The following ATG16L2 variants were observed in gnomAD, a reference collection of about 807,000 sequenced individuals.
ATG16L2 encodes autophagy related 16 like 2.
ATG16L2 carries 77 observed loss-of-function variants against 84.7 expected under a neutral mutation model. That is an observed-to-expected ratio of 0.91 (90% CI 0.76 to 1.10). The LOEUF (loss-of-function observed/expected upper bound fraction) is 1.10, where lower values mean the gene tolerates loss of function less well. Among genes scored for constraint, ATG16L2 ranks in the 50% least tolerant of loss-of-function variants. The pLI, the probability that ATG16L2 is intolerant of heterozygous loss-of-function variation, is 0.00. For missense variants in ATG16L2, 782 were observed against 817.6 expected (o/e 0.96, Z 0.53); for synonymous variants, 361 against 342.8 (o/e 1.05, Z -0.59).
At chr11:72,827,107 C>A in intron 13 of ATG16L2, 81 bp from the exon 14 acceptor site, 3 of 1,138,460 alleles carry the variant, frequency 2.6e-6, no homozygotes, top group Non-Finnish European at 3.9e-6. Context: ...GGGTTCTGGG[C>A]CTCAGCTTCT....
At chr11:72,839,427 CA>C (rs940509261) in intron 5 of ATG16L2, among the ~76,000 whole-genome samples, 1 of 152,140 alleles carries the variant, frequency 6.6e-6, no homozygotes, top group African/African-American at 2.4e-5. Flanking sequence ...GGATCAGAGG[CA>C]AGCAAGAGTC....
chr11:72,821,253 C>A, intron 3 of ATG16L2: 5 of 1,014,106 alleles, frequency 4.9e-6, no homozygotes, highest in Non-Finnish European at 5.9e-6. Flanking sequence ...AGCGTGTAGC[C>A]TGCTGGGAAC....
chr11:72,841,405 G>T, intron 5 of ATG16L2: 1 of 1,553,716 alleles, frequency 6.4e-7, no homozygotes, highest in Non-Finnish European at 8.8e-7. Flanking sequence ...GAATATGTAG[G>T]TTTCTGAAGT....
At position 72,821,706 on chromosome 11, in the gene ATG16L2, C is replaced by A; in HGVS notation, c.357C>A (p.Gly119=). 1 of 1,537,674 alleles carries A rather than the reference C, an allele frequency of 6.5e-7. No homozygotes were observed. The highest frequency in any genetic ancestry group is 8.7e-7 in the Non-Finnish European group (1 of 1,146,212). Residue 119 remains glycine (G), a synonymous_variant, in exon 4 of 18, where the codon GGC becomes GGA. Transcript: ENST00000321297. The part of the protein sequence containing the change: ...YQVVEKGAAL[G]TLESELQQRQ... ...TGGTGGAGAAGGGCGCGGCCCTGGG[C>A]ACGCTGGAGTCGGAGCTGCAGCAGA...
intron 5 of ATG16L2, chr11:72,836,899 T>C (rs915118239): frequency 6.6e-6 from 1 of 152,578 alleles, no homozygotes; most frequent in East Asian, 1.9e-4. Context: ...GAGGGGTTAT[T>C]TTTTAAAAAG....
exon 6 of ATG16L2, chr11:72,843,616 C>A (rs1308612504): frequency 1.2e-6 from 1 of 836,196 alleles, no homozygotes; most frequent in South Asian, 1.5e-5. Flanking sequence ...AACTGGGGAT[C>A]AAAATATTGA....
intron 3 of ATG16L2, among the ~76,000 whole-genome samples, chr11:72,819,413 AAAAG>A (rs1472406300): frequency 2.6e-5 from 4 of 152,346 alleles, no homozygotes; most frequent in South Asian, 4.1e-4. Flanking sequence ...TAATTAAAAA[AAAAG>A]AAAGATCTCC....
chr11:72,827,004 T>G, intron 13 of ATG16L2, 181 bp downstream of exon 13: 1 of 895,186 alleles, frequency 1.1e-6, no homozygotes, highest in East Asian at 2.6e-5. Flanking sequence ...CTGTCTGGTT[T>G]CTTGGTGACC....
chr11:72,822,187 C>T lies in ATG16L2; in HGVS notation c.536C>T (p.Ala179Val). The T allele has an allele frequency of 2.0e-6, 3 of 1,499,432 alleles. No individual in the cohort carries two copies. Among genetic ancestry groups the T allele is most frequent in the South Asian group, 1.2e-5 (1 of 80,460 alleles). The allele number at this position is 1,499,432 out of a possible 1,614,324, so 92.9% of individuals were successfully genotyped here. The change falls in exon 5 of 18, where the codon GCG becomes GTG. Residue 179 changes from alanine (A) to valine (V), a missense_variant. Physicochemically the swap from Ala to Val is moderately conservative, Grantham distance 64. Coordinates refer to ENST00000321297, the MANE Select transcript of ATG16L2 (RefSeq NM_033388.2). The surrounding 1 kb of genome is among the most constrained non-coding windows in gnomAD (Gnocchi z 4.2). ...CGCGCGCACGTCGGGCTCCGGGAGG[C>T]GGCACTGCGCAGGCTCCAGGAAGAG... The part of the protein sequence containing the change: ...ALRAHVGLRE[A>V]ALRRLQEEAR...
intron 1 of ATG16L2, chr11:72,815,973 A>G (rs10898881): frequency 0.52 from 78,112 of 151,668 alleles, 20,690 homozygotes; most frequent in South Asian, 0.65. Flanking sequence ...GGAAGTTGGG[A>G]TTATTTATTT....
chr11:72,828,615 C>A, intron 15 of ATG16L2, 107 bp downstream of exon 15: 1 of 1,588,542 alleles, frequency 6.3e-7, no homozygotes, highest in Non-Finnish European at 8.6e-7. Flanking sequence ...CCCTCCAGAC[C>A]AGGTCCTGCT....
chr11:72,823,151 C>T, intron 7 of ATG16L2, 190 bp downstream of exon 7: 1 of 551,270 alleles, frequency 1.8e-6, no homozygotes, highest in Admixed American at 3.3e-5. Flanking sequence ...AGTTCCATCT[C>T]ACCCCCCCAA....
chr11:72,830,414 C>T (rs2135130168), downstream of ATG16L2, among the ~76,000 whole-genome samples: 1 of 152,288 alleles, frequency 6.6e-6, no homozygotes, highest in South Asian at 2.1e-4. Flanking sequence ...CACCCTCCTG[C>T]CACTGTGGGC....
Position 72,843,208 on chromosome 11 carries a change from A to G in ATG16L2, c.*613A>G, listed in dbSNP as rs755459693. On this transcript the variant is annotated 3_prime_UTR_variant, in exon 6 of 6. Coordinates refer to the ATG16L2 transcript ENST00000534905. ...AGTTCTGCTTCCGTGGAATTGCTGG[A>G]CGTGTGTGACCGACTGTCCAAAGCG... The G allele has an allele frequency of 4.3e-6, 7 of 1,613,980 alleles. 1 individual carries two copies. The South Asian group carries it at 6.6e-5, about 15-fold the overall frequency.
Position 72,829,017 on chromosome 11 carries a change from G to A in ATG16L2, c.1772+33G>A, listed in dbSNP as rs983977473. 7 of 1,602,348 alleles carry A rather than the reference G, an allele frequency of 4.4e-6. No homozygotes were observed. The African/African-American group carries it at 6.7e-5, about 15-fold the overall frequency. On this transcript the variant is annotated intron_variant, in intron 17 of 17. Coordinates refer to ENST00000321297, the MANE Select transcript of ATG16L2 (RefSeq NM_033388.2). Reference sequence around the variant, plus strand: ...TGGCCTCCACCTGGCCACCTGCCTGGCCCCAGTCCTGCCAGGCTGATTCCA... The same window carrying A: ...TGGCCTCCACCTGGCCACCTGCCTGACCCCAGTCCTGCCAGGCTGATTCCA...
rs1015497978 is a variant in ATG16L2 at position 72,822,749 on chromosome 11, C to T, written c.711-99C>T. 16 of 1,084,130 alleles carry T rather than the reference C, an allele frequency of 1.5e-5. No individual in the cohort carries two copies. Among genetic ancestry groups the T allele is most frequent in the Admixed American group, 8.0e-5 (3 of 37,728 alleles). 67.2% of individuals were successfully genotyped at this position (1,084,130 alleles called of 1,614,324 possible). A position where few individuals can be genotyped will look rare whatever the true frequency, so the allele number is the denominator to read the frequency against. On this transcript the variant is annotated intron_variant, in intron 6 of 17. Coordinates refer to ENST00000321297, the MANE Select transcript of ATG16L2 (RefSeq NM_033388.2). The surrounding 1 kb of genome is among the most constrained non-coding windows in gnomAD (Gnocchi z 4.2). ...TGCACGTGTACACCCACACAGAACC[C>T]TCATCACTGGGAATTCCTGTCTTCA...
In ATG16L2 at chr11:72,824,798, G is replaced by C. The variant is rs1425146363; in HGVS notation, c.952G>C (p.Val318Leu). ...TGAGCAGCGATACCAGATCATCCCT[G>C]TGTGTGTGGCTGCCCGACTTCCTAC... Reference protein sequence around the residue: ...APEQRYQIIPVCVAARLPTRA... With the variant: ...APEQRYQIIPLCVAARLPTRA... The change falls in exon 9 of 18, where the codon GTG becomes CTG. Residue 318 changes from valine (V) to leucine (L), a missense_variant. By Grantham distance (32) the Val-to-Leu change is conservative (BLOSUM62 1). Transcript: ENST00000321297. 2 of 1,608,434 alleles carry C rather than the reference G, an allele frequency of 1.2e-6. No individual in the cohort carries two copies. Among genetic ancestry groups the C allele is most frequent in the Admixed American group, 1.7e-5 (1 of 59,008 alleles).
chr11:72,838,673 C>A, intron 5 of ATG16L2: 1 of 796,368 alleles, frequency 1.3e-6, no homozygotes, highest in Non-Finnish European at 2.1e-6. Context: ...ACACATAATC[C>A]TCCTTGTTTT....
intron 2 of ATG16L2, 132 bp from the exon 3 acceptor site, chr11:72,817,624 C>A: frequency 2.5e-6 from 2 of 807,382 alleles, no homozygotes; most frequent in South Asian, 1.5e-5. Flanking sequence ...CCTTTACTGG[C>A]TTGCTGGCTT....
Sources: allele counts gnomAD v4.1 joint callset (sites outside exome capture counted in the v4.1 genomes callset), GRCh38; gene constraint gnomAD v4.1.1; non-coding constraint Gnocchi (gnomAD v3.1); transcripts MANE v1.5; gene names NCBI Gene and HGNC (gene_info 2026-07-23, HGNC 2026-07-21).